Variants in CAV3 observed in about 807,000 individuals in gnomAD.
CAV3 encodes the protein caveolin-3.
Under a neutral mutation model 13.4 loss-of-function variants are expected in CAV3, and 10 were observed. The ratio of observed to expected loss-of-function variants is 0.75; its 90% CI spans 0.46 to 1.27. The LOEUF is 1.27. Among genes scored for constraint, CAV3 ranks in the 50% most tolerant of loss-of-function variants. The pLI, the probability that CAV3 is intolerant of heterozygous loss-of-function variation, is 0.00. For synonymous variants in CAV3, 90 were observed against 79.0 expected, an observed-to-expected ratio of 1.14 and a Z score of -0.74; for missense variants, 162 against 194.0, an observed-to-expected ratio of 0.83 and a Z score of 0.98.
chr3:8,743,992 G>A (rs1020515464), intron 1 of CAV3, among the ~76,000 whole-genome samples: 5 of 152,060 alleles, frequency 3.3e-5, no homozygotes, highest in South Asian at 2.1e-4. Flanking sequence ...TAACCAAGGC[G>A]GGAAAGGGAC....
At chr3:8,742,862 T>C (rs11715632) in intron 1 of CAV3, among the ~76,000 whole-genome samples, 13,624 of 152,206 alleles carry the variant, frequency 0.09, 810 homozygotes, top group Non-Finnish European at 0.14. Context: ...TTCATTGCTA[T>C]AAAGGAATAC....
chr3:8,734,016 G>A lies in CAV3; in HGVS notation c.114+26G>A, dbSNP rs11922879. 74,482 of 1,382,150 alleles carry A rather than the reference G, an allele frequency of 0.054. 2,640 individuals carry two copies. The highest frequency in any genetic ancestry group is 0.16 in the African/African-American group (10,960 of 69,758). The allele number at this position is 1,382,150 out of a possible 1,614,324, so 85.6% of individuals were successfully genotyped here. Reference sequence around the variant, plus strand: ...GTAGGCTCTGCAGGCCTGCCTCGGCGGGCGGAGAGTGTCAGGTTTGCGAGA... The same window carrying A: ...GTAGGCTCTGCAGGCCTGCCTCGGCAGGCGGAGAGTGTCAGGTTTGCGAGA... On this transcript the variant is annotated intron_variant, in intron 1 of 1. Transcript: ENST00000343849.
At chr3:8,734,434 C>T (rs1175869246) in intron 1 of CAV3, among the ~76,000 whole-genome samples, 1 of 152,210 alleles carries the variant, frequency 6.6e-6, no homozygotes. Context: ...GGGCCGGCAG[C>T]CCCTCGAGGT....
intron 1 of CAV3, chr3:8,744,801 A>T (rs6777088): frequency 6.6e-6 from 1 of 152,272 alleles, no homozygotes; most frequent in East Asian, 1.9e-4. Context: ...GAGAGCTGCG[A>T]CTATAGCACT....
chr3:8,738,291 C>T (rs531154430), intron 1 of CAV3, among the ~76,000 whole-genome samples: 26 of 152,318 alleles, frequency 1.7e-4, no homozygotes, highest in African/African-American at 6.0e-4. Context: ...TGCCACAGAA[C>T]GCCTGCCTTC....
chr3:8,741,962 C>T (rs1386023364), intron 1 of CAV3, among the ~76,000 whole-genome samples: 2 of 152,192 alleles, frequency 1.3e-5, no homozygotes, highest in Non-Finnish European at 2.9e-5. Flanking sequence ...CCTTCCTCAC[C>T]CTCCAGCCCC....
intron 1 of CAV3, chr3:8,742,376 AAG>A: frequency 3.2e-6 from 1 of 310,664 alleles, no homozygotes; most frequent in South Asian, 2.3e-5. Flanking sequence ...AAAAAAAAAG[AAG>A]AAGAAGAAGA....
At chr3:8,740,652 T>C (rs237874) in intron 1 of CAV3, among the ~76,000 whole-genome samples, 50,258 of 152,026 alleles carry the variant, frequency 0.33, 8,407 homozygotes, top group African/African-American at 0.42. Flanking sequence ...AGCCCAGGTG[T>C]CCTAGGTCCC....
rs1207471819 is a variant in CAV3 at position 8,745,463 on chromosome 3, A to G, written c.115-63A>G. 31 of 1,324,330 alleles carry G rather than the reference A, an allele frequency of 2.3e-5. 1 individual carries two copies. The highest frequency in any genetic ancestry group is 3.0e-5 in the Non-Finnish European group (28 of 920,588). 82.0% of individuals were successfully genotyped at this position (1,324,330 alleles called of 1,614,324 possible). ...GGGATTCTGACACATGCACGCACAC[A>G]CCCAAAAGCTTGAGAAGCGGGTGGC... On this transcript the variant is annotated intron_variant, in intron 1 of 1. Coordinates refer to ENST00000343849, the MANE Select transcript of CAV3 (RefSeq NM_033337.3). The surrounding 1 kb of genome is among the most constrained non-coding windows in gnomAD (Gnocchi z 4.8).
intron 1 of CAV3, chr3:8,742,692 G>C: frequency 3.1e-6 from 1 of 322,000 alleles, no homozygotes; most frequent in South Asian, 2.4e-5. Context: ...GTGTGCCTGG[G>C]CAAAGTGGGT....
intron 1 of CAV3, among the ~76,000 whole-genome samples, chr3:8,736,823 G>A (rs1377601327): frequency 2.6e-5 from 4 of 152,160 alleles, no homozygotes; most frequent in African/African-American, 4.8e-5. Flanking sequence ...GGTATGTTTT[G>A]GACATTCTCT....
In CAV3 at chr3:8,745,854, G is replaced by A. The variant is rs140575619; in HGVS notation, c.443G>A (p.Arg148Gln). Residue 148 changes from arginine to glutamine, a missense_variant, in exon 2 of 2, where the codon CGG (arginine) becomes CAG (glutamine). Coordinates refer to ENST00000343849, the MANE Select transcript of CAV3 (RefSeq NM_033337.3). The surrounding 1 kb of genome is among the most constrained non-coding windows in gnomAD (Gnocchi z 4.8). The stretch of plus-strand genomic sequence containing the variant: ...TGCAGCAGCATCAAGGTGGTGCTGC[G>A]GAAGGAGGTCTAAAGCCAGGTGGGG... ...QVCSSIKVVL[R>Q]KEV The A allele has an allele frequency of 1.3e-4, 203 of 1,611,604 alleles. 1 individual carries two copies. Among genetic ancestry groups the A allele is most frequent in the African/African-American group, 1.1e-3 (84 of 75,032 alleles).
In CAV3 at chr3:8,746,144, G is replaced by A. The variant is rs184247243; in HGVS notation, c.*277G>A. ...AGAGGCAGCTACTGCAAGTCTTTGCGTTCACTTGTACTGTAACAACATAAA... is the reference window on the plus strand; with the variant it reads ...AGAGGCAGCTACTGCAAGTCTTTGCATTCACTTGTACTGTAACAACATAAA... On this transcript the variant is annotated 3_prime_UTR_variant, in exon 2 of 2. Transcript: ENST00000343849. 209 of 436,098 alleles carry A rather than the reference G, an allele frequency of 4.8e-4. 1 individual carries two copies. The East Asian group carries it at 7.0e-3, about 15-fold the overall frequency. 27.0% of individuals were successfully genotyped at this position (436,098 alleles called of 1,614,324 possible).
At chr3:8,742,373 A>AAAAAG in intron 1 of CAV3, 1 of 321,092 alleles carries the variant, frequency 3.1e-6, no homozygotes, top group South Asian at 2.3e-5. Flanking sequence ...AAAAAAAAAA[A>AAAAAG]AGAAGAAGAA....
chr3:8,736,654 C>T (rs909178953), intron 1 of CAV3, among the ~76,000 whole-genome samples: 2 of 152,342 alleles, frequency 1.3e-5, no homozygotes, highest in African/African-American at 2.4e-5. Context: ...GATTATGACG[C>T]AGAGGGAGCG....
At chr3:8,740,716 A>G (rs1387033664) in intron 1 of CAV3, among the ~76,000 whole-genome samples, 3 of 152,196 alleles carry the variant, frequency 2.0e-5, no homozygotes, top group African/African-American at 7.2e-5. Flanking sequence ...GGATGGGGGT[A>G]GATATATGGT....
At chr3:8,736,901 G>A (rs1209491267) in intron 1 of CAV3, among the ~76,000 whole-genome samples, 3 of 152,172 alleles carry the variant, frequency 2.0e-5, no homozygotes, top group East Asian at 1.9e-4. Context: ...AAAAGTTAAT[G>A]CAGAACAAGG....
chr3:8,745,475 G>A lies in CAV3; in HGVS notation c.115-51G>A. 1 of 1,449,000 alleles carries A rather than the reference G, an allele frequency of 6.9e-7. No individual in the cohort carries two copies. Among genetic ancestry groups the A allele is most frequent in the South Asian group, 1.2e-5 (1 of 86,608 alleles). 89.8% of individuals were successfully genotyped at this position (1,449,000 alleles called of 1,614,324 possible). On this transcript the variant is annotated intron_variant, in intron 1 of 1. Transcript: ENST00000343849. This position sits in a 1 kb window ranked among gnomAD's most constrained non-coding sequence, Gnocchi z 4.8. Reference sequence around the variant, plus strand: ...CATGCACGCACACACCCAAAAGCTTGAGAAGCGGGTGGCTTCTGTGAGTTG... The same window carrying A: ...CATGCACGCACACACCCAAAAGCTTAAGAAGCGGGTGGCTTCTGTGAGTTG...
chr3:8,741,466 C>T (rs1707955910), intron 1 of CAV3, among the ~76,000 whole-genome samples: 1 of 152,154 alleles, frequency 6.6e-6, no homozygotes, highest in Non-Finnish European at 1.5e-5. Context: ...CTAAGCCTCT[C>T]ACTTGGGTTT....
Sources: allele counts gnomAD v4.1 joint callset (sites outside exome capture counted in the v4.1 genomes callset), GRCh38; gene constraint gnomAD v4.1.1; non-coding constraint Gnocchi (gnomAD v3.1); transcripts MANE v1.5; gene names NCBI Gene and HGNC (gene_info 2026-07-23, HGNC 2026-07-21).